The following CLEC16A variants were observed in gnomAD, a reference collection of about 807,000 sequenced individuals.
CLEC16A encodes protein CLEC16A.
Under a neutral mutation model 109.5 loss-of-function variants are expected in CLEC16A, and 51 were observed. The ratio of observed to expected loss-of-function variants is 0.47; its 90% confidence interval spans 0.37 to 0.59. The LOEUF is 0.59. Ranked by LOEUF, CLEC16A falls within the 20% of genes least tolerant of loss-of-function variation. The pLI, the probability that CLEC16A is intolerant of heterozygous loss-of-function variation, is 0.00. For missense variants in CLEC16A, 1,339 were observed against 1,394.0 expected (o/e 0.96, Z 0.63); for synonymous variants, 673 against 564.2 (o/e 1.19, Z -2.73).
At chr16:11,127,822 A>G (rs747057757) in intron 22 of CLEC16A, among the ~76,000 whole-genome samples, 1 of 152,078 alleles carries the variant, frequency 6.6e-6, no homozygotes, top group South Asian at 2.1e-4. Flanking sequence ...GTGAGCTATG[A>G]TTGTACCATT....
At chr16:11,136,832 T>G (rs2053588627) in intron 22 of CLEC16A, among the ~76,000 whole-genome samples, 1 of 152,324 alleles carries the variant, frequency 6.6e-6, no homozygotes, top group South Asian at 2.1e-4. Flanking sequence ...CTGCCATCAT[T>G]GGCACTGCGC....
intron 19 of CLEC16A, among the ~76,000 whole-genome samples, chr16:11,082,087 A>G (rs959652153): frequency 1.1e-4 from 16 of 152,190 alleles, no homozygotes; most frequent in African/African-American, 3.9e-4. Flanking sequence ...TCAGGCCTCA[A>G]GTATATGTAT....
intron 22 of CLEC16A, 34 bp downstream of exon 22, chr16:11,126,180 T>C (rs1344617492): frequency 6.2e-7 from 1 of 1,613,106 alleles, no homozygotes; most frequent in Non-Finnish European, 8.5e-7. Context: ...CCACAGCTCG[T>C]TCATCATGGT....
At chr16:11,020,161 G>A in intron 11 of CLEC16A, 32 bp from the exon 12 acceptor site, 1 of 1,595,288 alleles carries the variant, frequency 6.3e-7, no homozygotes, top group South Asian at 1.1e-5. Flanking sequence ...AAAGCTGTCT[G>A]GACTCATCCC....
chr16:11,113,121 C>T (rs987421101), intron 19 of CLEC16A, among the ~76,000 whole-genome samples: 1 of 152,246 alleles, frequency 6.6e-6, no homozygotes, highest in Non-Finnish European at 1.5e-5. Context: ...ACATCCACAG[C>T]TATGTCCCAA....
chr16:11,116,407 G>GAA (rs368942214), intron 19 of CLEC16A, among the ~76,000 whole-genome samples: 11 of 91,490 alleles, frequency 1.2e-4, no homozygotes, highest in Admixed American at 8.1e-4. Context: ...AAAAAGAAAA[G>GAA]AAAAAAAAAG....
chr16:10,949,702 A>G (rs1333203170), intron 1 of CLEC16A, among the ~76,000 whole-genome samples: 1 of 152,192 alleles, frequency 6.6e-6, no homozygotes, highest in Non-Finnish European at 1.5e-5. Flanking sequence ...TTTTTTAACT[A>G]CAGAAAGGCT....
intron 10 of CLEC16A, among the ~76,000 whole-genome samples, chr16:10,986,603 T>A (rs557993067): frequency 4.4e-4 from 67 of 152,242 alleles, no homozygotes; most frequent in Admixed American, 3.5e-3. Context: ...GTTTGACAAT[T>A]TTAGATACCT....
Position 11,166,485 on chromosome 16 carries a change from C to A in CLEC16A, c.2739C>A (p.Ser913Arg). 1 of 1,609,136 alleles carries A rather than the reference C, an allele frequency of 6.2e-7. No homozygotes were observed. The change falls in exon 23 of 24, where the codon AGC becomes AGA. Residue 913 changes from serine (S) to arginine (R), a missense_variant. Around this residue, in one of 3 missense-constraint regions of CLEC16A, gnomAD observed 1,061 missense variants for 1,006.8 expected, o/e 1.05. Coordinates refer to ENST00000409790, the MANE Select transcript of CLEC16A (RefSeq NM_015226.3). ...SASGSPSGSGSTSHCDSGGTS... is the reference protein window; with the variant it reads ...SASGSPSGSGRTSHCDSGGTS... ...GCGGGAGCCCCAGCGGCAGCGGGAGCACCAGCCACTGCGACTCTGGAGGCA... is the reference window on the plus strand; with the variant it reads ...GCGGGAGCCCCAGCGGCAGCGGGAGAACCAGCCACTGCGACTCTGGAGGCA...
chr16:10,950,428 A>G (rs1567489707), intron 1 of CLEC16A, among the ~76,000 whole-genome samples: 2 of 152,100 alleles, frequency 1.3e-5, no homozygotes, highest in African/African-American at 4.8e-5. Context: ...TAGTCACAGC[A>G]CCTGTGCCAC....
intron 19 of CLEC16A, among the ~76,000 whole-genome samples, chr16:11,092,672 G>A (rs1200513864): frequency 6.6e-6 from 1 of 152,164 alleles, no homozygotes; most frequent in Non-Finnish European, 1.5e-5. Context: ...CAAAACTTTT[G>A]GTTCCTTCCT....
At chr16:11,156,917 G>GCCCCCCCCCCCCCC (rs60216625) in intron 22 of CLEC16A, among the ~76,000 whole-genome samples, 4 of 77,304 alleles carry the variant, frequency 5.2e-5, no homozygotes, top group Non-Finnish European at 8.1e-5. Context: ...CCAAATGCCC[G>GCCCCCCCCCCCCCC]CCCCCCCCCC....
intron 19 of CLEC16A, among the ~76,000 whole-genome samples, chr16:11,087,691 A>G (rs939577954): frequency 1.3e-5 from 2 of 152,242 alleles, no homozygotes; most frequent in Admixed American, 1.3e-4. Flanking sequence ...TCAGATATGA[A>G]TTATTTCTCA....
chr16:10,986,873 T>C (rs926688322), intron 10 of CLEC16A, among the ~76,000 whole-genome samples: 12 of 151,918 alleles, frequency 7.9e-5, no homozygotes, highest in African/African-American at 2.2e-4. Context: ...GTTTTGTTTT[T>C]GACAGAGTCT....
chr16:10,980,351 C>T (rs1166676005), intron 9 of CLEC16A, among the ~76,000 whole-genome samples: 1 of 152,084 alleles, frequency 6.6e-6, no homozygotes, highest in Non-Finnish European at 1.5e-5. Context: ...CTCTGTACGA[C>T]GGCGCTGAGC....
intron 16 of CLEC16A, among the ~76,000 whole-genome samples, chr16:11,045,904 C>T (rs770973784): frequency 6.6e-6 from 1 of 152,124 alleles, no homozygotes; most frequent in Non-Finnish European, 1.5e-5. Flanking sequence ...ATTTGGAGAT[C>T]GACCTTGCCA....
intron 11 of CLEC16A, among the ~76,000 whole-genome samples, chr16:11,015,111 A>G (rs2045663352): frequency 6.6e-6 from 1 of 152,232 alleles, no homozygotes; most frequent in African/African-American, 2.4e-5. Flanking sequence ...GGATAAAACT[A>G]TCAAAAAGAA....
chr16:11,103,821 A>G (rs551848558), intron 19 of CLEC16A, among the ~76,000 whole-genome samples: 2 of 152,194 alleles, frequency 1.3e-5, no homozygotes, highest in Non-Finnish European at 2.9e-5. Flanking sequence ...AAATGTTTGA[A>G]TGAAAAGTCT....
At chr16:11,079,999 C>T (rs1056301884) in intron 19 of CLEC16A, among the ~76,000 whole-genome samples, 5 of 152,288 alleles carry the variant, frequency 3.3e-5, no homozygotes, top group African/African-American at 9.6e-5. Context: ...CTGGCTTCAG[C>T]GGCTTCCCTT....
Sources: allele counts gnomAD v4.1 joint callset (sites outside exome capture counted in the v4.1 genomes callset), GRCh38; gene constraint gnomAD v4.1.1; regional missense constraint gnomAD v4.1.1; transcripts MANE v1.5; gene names NCBI Gene and HGNC (gene_info 2026-07-23, HGNC 2026-07-21).